PLCB4: variants seen among roughly 807,000 people sequenced by gnomAD.
The protein encoded by PLCB4 is 1-phosphatidylinositol 4,5-bisphosphate phosphodiesterase beta-4.
Under a neutral mutation model 178.8 loss-of-function variants are expected in PLCB4, and 77 were observed. The observed-to-expected ratio is 0.43, with a 90% CI of 0.36 to 0.52. The LOEUF is 0.52. Among genes scored for constraint, PLCB4 ranks in the 20% least tolerant of loss-of-function variants. PLCB4 has a pLI of 0.00. For synonymous variants in PLCB4, 496 were observed against 490.8 expected (o/e 1.01, Z -0.14); for missense variants, 1,024 against 1,453.4 (o/e 0.70, Z 4.80).
intron 3 of PLCB4, among the ~76,000 whole-genome samples, chr20:9,302,879 A>T (rs182314772): frequency 3.4e-4 from 51 of 151,104 alleles, no homozygotes; most frequent in African/African-American, 1.2e-3. Flanking sequence ...TTTATTTTTG[A>T]TATAAACTTT....
At chr20:9,123,546 C>T (rs1342959927) in intron 2 of PLCB4, among the ~76,000 whole-genome samples, 3 of 151,414 alleles carry the variant, frequency 2.0e-5, no homozygotes, top group East Asian at 1.9e-4. Flanking sequence ...GAAGTAATAC[C>T]TGCTTGCTGG....
rs371139512 is a variant in PLCB4, at chr20:9,174,976, T to TA, written c.-78-42413dup. Among the ~76,000 whole-genome samples, 833 of 152,338 alleles carry TA rather than the reference T, an allele frequency of 5.5e-3. 7 individuals are homozygous for TA. The highest frequency in any genetic ancestry group is 0.019 in the African/African-American group (801 of 41,584). ...TTTTGACCTGTCTTATTGTTATTAA[T>TA]ACTGATGGTGTAGCTAGTGAAATAA... On this transcript the variant is annotated intron_variant, in intron 2 of 39. Coordinates refer to ENST00000378473, the MANE Select transcript of PLCB4 (RefSeq NM_001377142.1).
intron 12 of PLCB4, among the ~76,000 whole-genome samples, chr20:9,377,447 G>A (rs190369106): frequency 6.6e-6 from 1 of 152,206 alleles, no homozygotes; most frequent in Non-Finnish European, 1.5e-5. Flanking sequence ...TTTTCCATAT[G>A]AAAATGATAG....
intron 4 of PLCB4, among the ~76,000 whole-genome samples, chr20:9,322,378 A>G (rs937857982): frequency 3.3e-5 from 5 of 152,210 alleles, no homozygotes; most frequent in African/African-American, 1.2e-4. Context: ...GAGAAAGCCT[A>G]TCTTTTTAAT....
In PLCB4 at chr20:9,081,231, A is replaced by G. The variant is rs534853234; in HGVS notation, c.-135+12025A>G. The stretch of plus-strand genomic sequence containing the variant: ...GTTGACTCCATTCTCCAAACCAGCT[A>G]AAGTAATTTGCACAAAACAAATCTT... On this transcript the variant is annotated intron_variant, in intron 1 of 39. Transcript: ENST00000378473. Among the ~76,000 whole-genome samples, 29 of 152,342 alleles carry G rather than the reference A, an allele frequency of 1.9e-4. No individual in the cohort carries two copies. In the South Asian group the frequency reaches 2.1e-3, roughly 11 times the overall value.
chr20:9,208,046 G>T (rs1462459460), intron 2 of PLCB4, among the ~76,000 whole-genome samples: 1 of 152,174 alleles, frequency 6.6e-6, no homozygotes, highest in African/African-American at 2.4e-5. Context: ...GACATGAGCC[G>T]TATCTGTCTG....
Position 9,426,911 on chromosome 20 carries a change from CT to C in PLCB4, c.2524+2960del, listed in dbSNP as rs1230671341. 1.6e-4 allele frequency among the ~76,000 whole-genome samples: 24 copies of C among 152,068 alleles called. 1 individual carries two copies. Among genetic ancestry groups the C allele is most frequent in the African/African-American group, 4.6e-4 (19 of 41,396 alleles). On this transcript the variant is annotated intron_variant, in intron 28 of 39. Coordinates refer to ENST00000378473, the MANE Select transcript of PLCB4 (RefSeq NM_001377142.1). ...AGTGCAACTCCTTCTGCTTCTCCTT[CT>C]CATTTCTATAGCATAAAAACTCTCA...
chr20:9,450,895 C>T lies in PLCB4; in HGVS notation c.2881-2452C>T, dbSNP rs143904401. Among the ~76,000 whole-genome samples the T allele has an allele frequency of 1.8e-3, 268 of 152,052 alleles. 2 individuals carry two copies. In the South Asian group the frequency reaches 0.023, roughly 13 times the overall value. On this transcript the variant is annotated intron_variant, in intron 32 of 39. Coordinates refer to ENST00000378473, the MANE Select transcript of PLCB4 (RefSeq NM_001377142.1). ...AACTCCTGACCTCAGGTGATTTATG[C>T]GCCTCAGCCTCCCAAAGTCCTGGGA...
intron 4 of PLCB4, among the ~76,000 whole-genome samples, chr20:9,321,863 A>G (rs1356743361): frequency 6.6e-6 from 1 of 151,328 alleles, no homozygotes; most frequent in Non-Finnish European, 1.5e-5. Context: ...CGAACTTTTG[A>G]CCTCATGATC....
At position 9,411,027 on chromosome 20, in the gene PLCB4, C is replaced by A; in HGVS notation, c.2000-10C>A. On this transcript the variant is annotated splice_polypyrimidine_tract_variant and intron_variant, in intron 24 of 39. Transcript: ENST00000378473. ...AGACAAGATGCTAAATTATTTTTGT[C>A]TCTTGACAGATTTAGCGATGCAATT... 6.2e-7 allele frequency: 1 copy of A among 1,603,608 alleles called. No homozygotes were observed. Among genetic ancestry groups the A allele is most frequent in the Non-Finnish European group, 8.5e-7 (1 of 1,170,828 alleles).
intron 2 of PLCB4, among the ~76,000 whole-genome samples, chr20:9,196,006 T>G (rs1032557154): frequency 6.6e-6 from 1 of 152,046 alleles, no homozygotes; most frequent in African/African-American, 2.4e-5. Flanking sequence ...ATCAGAAAAA[T>G]TTTGATGAGC....
chr20:9,419,317 C>A (rs2148557447), intron 25 of PLCB4, among the ~76,000 whole-genome samples: 1 of 152,288 alleles, frequency 6.6e-6, no homozygotes, highest in South Asian at 2.1e-4. Flanking sequence ...AAATCACAGA[C>A]ATTGTCATAT....
chr20:9,095,412 C>G, intron 1 of PLCB4, among the ~76,000 whole-genome samples: 1 of 152,058 alleles, frequency 6.6e-6, no homozygotes, highest in Non-Finnish European at 1.5e-5. Flanking sequence ...AAATTACAGA[C>G]GGAACCAAAC....
intron 13 of PLCB4, among the ~76,000 whole-genome samples, chr20:9,381,992 T>C (rs2037182205): frequency 6.6e-6 from 1 of 152,172 alleles, no homozygotes; most frequent in South Asian, 2.1e-4. Flanking sequence ...ACCTCCAGCT[T>C]ACACTACAGA....
chr20:9,124,005 A>G (rs185616300), intron 2 of PLCB4, among the ~76,000 whole-genome samples: 3 of 152,226 alleles, frequency 2.0e-5, no homozygotes, highest in Admixed American at 6.5e-5. Flanking sequence ...ACACATCTGT[A>G]TTTATGTATG....
At chr20:9,218,732 C>G (rs529097784) in intron 3 of PLCB4, among the ~76,000 whole-genome samples, 1 of 152,276 alleles carries the variant, frequency 6.6e-6, no homozygotes, top group African/African-American at 2.4e-5. Flanking sequence ...TTAATGATGA[C>G]AAGAGATATC....
intron 3 of PLCB4, among the ~76,000 whole-genome samples, chr20:9,289,559 A>T (rs988972193): frequency 2.6e-5 from 4 of 152,102 alleles, no homozygotes; most frequent in African/African-American, 4.8e-5. Context: ...TAATGTGGAC[A>T]TCTCCTTTAT....
At chr20:9,477,431 C>G (rs529850768) in intron 39 of PLCB4, among the ~76,000 whole-genome samples, 3 of 152,264 alleles carry the variant, frequency 2.0e-5, no homozygotes, top group South Asian at 4.1e-4. Flanking sequence ...CTTGTAATGT[C>G]CTATGATTCT....
rs146557849 is a variant in PLCB4 at position 9,345,305 on chromosome 20, G to A, written c.369+6268G>A. On this transcript the variant is annotated intron_variant, in intron 7 of 39. Coordinates refer to ENST00000378473, the MANE Select transcript of PLCB4 (RefSeq NM_001377142.1). ...CATCTTTTTGCTCACTGTTTTACAA[G>A]GCACTATAGAAATAATTGAATATGA... Among the ~76,000 whole-genome samples, 85 of 152,062 alleles carry A rather than the reference G, an allele frequency of 5.6e-4. 2 individuals carry two copies. Among genetic ancestry groups the A allele is most frequent in the Middle Eastern group, 6.8e-3 (2 of 294 alleles).
Sources: gnomAD v4.1 joint callset for allele counts (sites outside exome capture counted in the v4.1 genomes callset) on GRCh38, gnomAD v4.1.1 for gene constraint, MANE v1.5 for transcripts, NCBI Gene and HGNC (gene_info 2026-07-23, HGNC 2026-07-21) for gene names.